The following BTNL9 variants were observed in gnomAD, a reference collection of about 807,000 sequenced individuals.
BTNL9 encodes the protein butyrophilin like 9.
A neutral mutation model predicts 45.8 loss-of-function variants in BTNL9; 45 were observed. That is an observed-to-expected ratio of 0.98 (90% CI 0.77 to 1.26). The LOEUF is 1.26. Ranked by LOEUF, BTNL9 falls within the 50% of genes most tolerant of loss-of-function variation. BTNL9 has a pLI of 0.00. For missense variants in BTNL9, 784 were observed against 729.7 expected, an observed-to-expected ratio of 1.07 and a Z score of -0.86; for synonymous variants, 346 against 330.8, an observed-to-expected ratio of 1.05 and a Z score of -0.50.
chr5:181,059,827 T>C lies in BTNL9; in HGVS notation c.1573T>C (p.Tyr525His). 1 of 1,592,656 alleles carries C rather than the reference T, an allele frequency of 6.3e-7. No individual in the cohort carries two copies. Among genetic ancestry groups the C allele is most frequent in the African/African-American group, 1.3e-5 (1 of 74,840 alleles). ...CGACAGTGACACCTGGCTACAGCCC[T>C]ATGAGCCCGCGGACCCCGCCCTGGA... ...ENDSDTWLQP[Y>H]EPADPALDWW The change falls in exon 11 of 11, where the codon TAT (tyrosine) becomes CAT (histidine). Residue 525 changes from tyrosine to histidine, a missense_variant. Transcript: ENST00000327705.
At chr5:181,054,370 C>T (rs1221900774) in intron 7 of BTNL9, 111 bp downstream of exon 7, 1 of 1,554,234 alleles carries the variant, frequency 6.4e-7, no homozygotes, top group Non-Finnish European at 8.6e-7. Context: ...TAATTCTAAA[C>T]CATCCCTGTG....
chr5:181,051,091 A>AC (rs1761512937), intron 4 of BTNL9, among the ~76,000 whole-genome samples: 1 of 33,802 alleles, frequency 3.0e-5, no homozygotes, highest in Non-Finnish European at 6.2e-5. Context: ...AAAAAAAACA[A>AC]AAAAAAAAAA....
chr5:181,040,836 G>A lies in BTNL9; in HGVS notation c.-24+404G>A, dbSNP rs560111781. 2.0e-5 allele frequency among the ~76,000 whole-genome samples: 3 copies of A among 152,376 alleles called. No homozygotes were observed. The East Asian group carries it at 5.8e-4, about 29-fold the overall frequency. On this transcript the variant is annotated intron_variant, in intron 1 of 10. Coordinates refer to ENST00000327705, the MANE Select transcript of BTNL9 (RefSeq NM_152547.5). ...AGGGCATTGCAGGGGGTGTCGGGGA[G>A]GCCCGTGGGAGAGGGCCAAGGCCCC...
chr5:181,044,738 G>A (rs762087193), intron 1 of BTNL9, among the ~76,000 whole-genome samples: 1 of 152,198 alleles, frequency 6.6e-6, no homozygotes, highest in Admixed American at 6.5e-5. Flanking sequence ...CAGGAGTGAG[G>A]GGGTAGCCCT....
rs1403281955 is a variant in BTNL9 at position 181,050,211 on chromosome 5, G to A, written c.578G>A (p.Cys193Tyr). 2 of 1,613,972 alleles carry A rather than the reference G, an allele frequency of 1.2e-6. No homozygotes were observed. Among genetic ancestry groups the A allele is most frequent in the African/African-American group, 1.3e-5 (1 of 74,932 alleles). The change falls in exon 4 of 11, where the codon TGC becomes TAC. Residue 193 changes from cysteine (C) to tyrosine (Y), a missense_variant. Physicochemically the swap from Cys to Tyr is radical, Grantham distance 194. Coordinates refer to ENST00000327705, the MANE Select transcript of BTNL9 (RefSeq NM_152547.5). The surrounding 1 kb of genome is among the most constrained non-coding windows in gnomAD (Gnocchi z 4.9). ...CAGTGGAGAGACCACCAGGGACAGT[G>A]CCTGCCTCCAGAGTTTGAAGCCATC... ...KVQWRDHQGQ[C>Y]LPPEFEAIVW...
chr5:181,044,443 G>A (rs2113150432), intron 1 of BTNL9, among the ~76,000 whole-genome samples: 1 of 152,310 alleles, frequency 6.6e-6, no homozygotes, highest in South Asian at 2.1e-4. Context: ...GAAAGGCAAG[G>A]GGTGCAGTCC....
chr5:181,047,830 A>T, intron 2 of BTNL9, 97 bp from the exon 3 acceptor site: 2 of 1,088,410 alleles, frequency 1.8e-6, no homozygotes, highest in South Asian at 1.6e-5. Flanking sequence ...TCTTGTTTTT[A>T]TGGTTTACTG....
Position 181,055,830 on chromosome 5 carries a change from C to G in BTNL9, c.929-159C>G, listed in dbSNP as rs748752482. 1.2e-6 allele frequency: 1 copy of G among 822,940 alleles called. No homozygotes were observed. Among genetic ancestry groups the G allele is most frequent in the South Asian group, 1.3e-5 (1 of 74,158 alleles). 51.0% of individuals were successfully genotyped at this position (822,940 alleles called of 1,614,324 possible). A position where few individuals can be genotyped will look rare whatever the true frequency, so the allele number is the denominator to read the frequency against. On this transcript the variant is annotated intron_variant, in intron 8 of 10. Coordinates refer to ENST00000327705, the MANE Select transcript of BTNL9 (RefSeq NM_152547.5). The surrounding 1 kb of genome is among the most constrained non-coding windows in gnomAD (Gnocchi z 4.4). ...TTGCATCTGATTCCCCATATATCTTCTTCTCATCTCCCAACCAGGTATGAT... is the reference window on the plus strand; with the variant it reads ...TTGCATCTGATTCCCCATATATCTTGTTCTCATCTCCCAACCAGGTATGAT...
rs147579877 is a variant in BTNL9, at chr5:181,050,539, C to T, written c.736+170C>T. On this transcript the variant is annotated intron_variant, in intron 4 of 10. Transcript: ENST00000327705. The surrounding 1 kb of genome is among the most constrained non-coding windows in gnomAD (Gnocchi z 4.9). ...TTGGATATTAGGAACACACTAAGAA[C>T]GCTACTGAGAACCCAAACAGTCAGT... 1.6e-4 allele frequency among the ~76,000 whole-genome samples: 25 copies of T among 152,278 alleles called. No individual in the cohort carries two copies. The highest frequency in any genetic ancestry group is 5.5e-4 in the African/African-American group (23 of 41,554).
rs201472333 is a variant in BTNL9 at position 181,045,533 on chromosome 5, C to T, written c.44C>T (p.Ser15Leu). The T allele has an allele frequency of 3.5e-5, 57 of 1,612,576 alleles. No homozygotes were observed. The highest frequency in any genetic ancestry group is 4.2e-5 in the Non-Finnish European group (49 of 1,179,314). Residue 15 changes from serine to leucine, a missense_variant, in exon 2 of 11, where the codon TCG (serine) becomes TTG (leucine). Coordinates refer to ENST00000327705, the MANE Select transcript of BTNL9 (RefSeq NM_152547.5). ...SVSPDSLKPV[S>L]LTSSLVFLMH... Reference sequence around the variant, plus strand: ...TCCCCAGACTCCTTGAAGCCAGTATCGCTGACCAGCAGTCTTGTCTTCCTC... The same window carrying T: ...TCCCCAGACTCCTTGAAGCCAGTATTGCTGACCAGCAGTCTTGTCTTCCTC...
At chr5:181,058,046 T>G (rs1447862532) in intron 9 of BTNL9, among the ~76,000 whole-genome samples, 1 of 152,202 alleles carries the variant, frequency 6.6e-6, no homozygotes. Flanking sequence ...CACTTCTGTC[T>G]CTCAGGGCAT....
chr5:181,048,748 T>TATATAA (rs1554155891), intron 3 of BTNL9, among the ~76,000 whole-genome samples: 1 of 130,454 alleles, frequency 7.7e-6, no homozygotes, highest in Admixed American at 8.2e-5. Flanking sequence ...TCTATCTATA[T>TATATAA]ATATAGATAT....
chr5:181,045,559 A>C lies in BTNL9; in HGVS notation c.70A>C (p.Met24Leu). The C allele has an allele frequency of 1.9e-6, 3 of 1,612,574 alleles. No individual in the cohort carries two copies. The highest frequency in any genetic ancestry group is 2.5e-6 in the Non-Finnish European group (3 of 1,179,336). Residue 24 changes from methionine to leucine, a missense_variant, in exon 2 of 11, where the codon ATG (methionine) becomes CTG (leucine). Transcript: ENST00000327705. Reference protein sequence around the residue: ...VSLTSSLVFLMHLLLLQPGEP... With the variant: ...VSLTSSLVFLLHLLLLQPGEP... ...GCTGACCAGCAGTCTTGTCTTCCTC[A>C]TGCACCTCCTCCTCCTTCAGCCTGG...
chr5:181,046,610 C>T (rs1459157372), intron 2 of BTNL9, among the ~76,000 whole-genome samples: 1 of 151,814 alleles, frequency 6.6e-6, no homozygotes, highest in Non-Finnish European at 1.5e-5. Context: ...AGTCTGTAGT[C>T]AAGGGAGGGG....
Position 181,048,141 on chromosome 5 carries a change from G to C in BTNL9, c.324G>C (p.Lys108Asn). Residue 108 changes from lysine (K) to asparagine (N), a missense_variant, in exon 3 of 11, where the codon AAG (lysine) becomes AAC (asparagine). Physicochemically the swap from Lys to Asn is moderately conservative, Grantham distance 94. Coordinates refer to ENST00000327705, the MANE Select transcript of BTNL9 (RefSeq NM_152547.5). Reference protein sequence around the residue: ...PAFRNRTKLVKDDIAYGSVVL... With the variant: ...PAFRNRTKLVNDDIAYGSVVL... ...TCCGGAACAGGACCAAGTTGGTCAA[G>C]GACGACATCGCCTATGGCAGCGTGG... 6.2e-7 allele frequency: 1 copy of C among 1,613,654 alleles called. No homozygotes were observed. Among genetic ancestry groups the C allele is most frequent in the Middle Eastern group, 1.6e-4 (1 of 6,062 alleles).
chr5:181,057,440 G>A (rs1259922854), intron 9 of BTNL9, among the ~76,000 whole-genome samples: 1 of 152,214 alleles, frequency 6.6e-6, no homozygotes, highest in Non-Finnish European at 1.5e-5. Context: ...TGCCACTGAT[G>A]TGGGGAACCA....
intron 2 of BTNL9, among the ~76,000 whole-genome samples, chr5:181,046,328 T>A (rs113533442): frequency 5.1e-4 from 12 of 23,714 alleles, no homozygotes; most frequent in Non-Finnish European, 2.7e-4. Flanking sequence ...CCACCATCTC[T>A]CCAGCCCCCA....
chr5:181,055,026 T>G lies in BTNL9; in HGVS notation c.908-407T>G, dbSNP rs1355626918. 7 of 985,358 alleles carry G rather than the reference T, an allele frequency of 7.1e-6. No homozygotes were observed. In the African/African-American group the frequency reaches 1.2e-4, roughly 17 times the overall value. The allele number at this position is 985,358 out of a possible 1,614,324, so 61.0% of individuals were successfully genotyped here. ...GGGGAAATAATTGGGTGTGATGTCC[T>G]TCCAGTCCTTCAGATAACGCACCCG... On this transcript the variant is annotated intron_variant, in intron 7 of 10. Transcript: ENST00000327705. This position sits in a 1 kb window ranked among gnomAD's most constrained non-coding sequence, Gnocchi z 4.4.
intron 1 of BTNL9, among the ~76,000 whole-genome samples, chr5:181,044,038 T>C (rs540270467): frequency 2.0e-5 from 3 of 152,212 alleles, no homozygotes; most frequent in Admixed American, 1.3e-4. Context: ...TCCCAACCTG[T>C]CCTCTGTTTG....
Sources: allele counts gnomAD v4.1 joint callset (sites outside exome capture counted in the v4.1 genomes callset), GRCh38; gene constraint gnomAD v4.1.1; non-coding constraint Gnocchi (gnomAD v3.1); transcripts MANE v1.5; gene names NCBI Gene and HGNC (gene_info 2026-07-23, HGNC 2026-07-21).